The following PPHLN1 variants were observed in gnomAD, a reference collection of about 807,000 sequenced individuals.
PPHLN1 encodes the protein periphilin-1.
Under a neutral mutation model 51.3 loss-of-function variants are expected in PPHLN1, and 29 were observed. The ratio of observed to expected loss-of-function variants is 0.57; its 90% CI spans 0.42 to 0.77. The LOEUF (loss-of-function observed/expected upper bound fraction) is 0.77. PPHLN1 is among the 30% of genes least tolerant of loss of function. The probability of loss-of-function intolerance (pLI) is 0.00; values close to 1 mark genes in which losing one functional copy is unlikely to be tolerated. For missense variants in PPHLN1, 436 were observed against 438.4 expected, an observed-to-expected ratio of 0.99 and a Z score of 0.05; for synonymous variants, 147 against 147.8, an observed-to-expected ratio of 0.99 and a Z score of 0.04.
chr12:42,435,143 A>G (rs926729124), intron 9 of PPHLN1, among the ~76,000 whole-genome samples: 1 of 152,234 alleles, frequency 6.6e-6, no homozygotes. Context: ...AATAAGCTGA[A>G]AGGGATAAAA....
rs934252006 is a variant in PPHLN1, at chr12:42,385,058, C to T, written c.568+62C>T. ...AGGGGTGGGAGACTTGAACTGATAG[C>T]GGTTATGGAAATGGGGAAAGTGTAT... On this transcript the variant is annotated intron_variant, in intron 6 of 9. Coordinates refer to ENST00000358314, the MANE Select transcript of PPHLN1 (RefSeq NM_201439.2). 8.8e-6 allele frequency: 13 copies of T among 1,482,000 alleles called. No individual in the cohort carries two copies. In the East Asian group the frequency reaches 1.4e-4, roughly 15 times the overall value. 91.8% of individuals were successfully genotyped at this position (1,482,000 alleles called of 1,614,324 possible). A position where few individuals can be genotyped will look rare whatever the true frequency, so the allele number is the denominator to read the frequency against.
intron 8 of PPHLN1, among the ~76,000 whole-genome samples, chr12:42,397,912 C>T (rs916533293): frequency 9.2e-5 from 14 of 151,622 alleles, no homozygotes; most frequent in South Asian, 2.1e-4. Flanking sequence ...TTGGTAGAGA[C>T]GGGTTTTCAC....
Position 42,374,844 on chromosome 12 carries a change from GTT to G in PPHLN1, c.300-7_300-6del, listed in dbSNP as rs199720292. ...ATAGAGTATAATTAACTTATTTTAT[GTT>G]TTTTTTTTTTTCAAAGGGACATGAG... is the stretch of plus-strand genomic sequence containing the variant. On this transcript the variant is annotated splice_polypyrimidine_tract_variant and intron_variant, in intron 4 of 9. Transcript: ENST00000358314. 6.2e-3 allele frequency: 8,193 copies of G among 1,318,396 alleles called. 107 individuals are homozygous for G. The East Asian group carries it at 0.085, about 14-fold the overall frequency. The allele number at this position is 1,318,396 out of a possible 1,614,324, so 81.7% of individuals were successfully genotyped here. A position where few individuals can be genotyped will look rare whatever the true frequency, so the allele number is the denominator to read the frequency against.
chr12:42,337,945 G>A (rs538156108), intron 2 of PPHLN1, among the ~76,000 whole-genome samples: 1 of 151,920 alleles, frequency 6.6e-6, no homozygotes, highest in South Asian at 2.1e-4. Flanking sequence ...CACCACGCCT[G>A]GCTAATTTTT....
downstream of PPHLN1, chr12:42,445,001 C>T (rs1418414187): frequency 5.7e-6 from 4 of 699,310 alleles, no homozygotes; most frequent in Non-Finnish European, 1.0e-5. Flanking sequence ...CTGTTCAGCC[C>T]ATCAATATTG....
intron 2 of PPHLN1, among the ~76,000 whole-genome samples, chr12:42,345,615 A>C (rs1339263025): frequency 1.3e-5 from 2 of 150,498 alleles, no homozygotes; most frequent in African/African-American, 2.4e-5. Flanking sequence ...TAATATGTAG[A>C]TATATATTAA....
intron 9 of PPHLN1, chr12:42,432,944 G>A (rs2082166342): frequency 2.2e-6 from 3 of 1,384,534 alleles, no homozygotes; most frequent in South Asian, 2.3e-5. Flanking sequence ...TGTTGTTTCT[G>A]GATGGTAAAA....
intron 2 of PPHLN1, among the ~76,000 whole-genome samples, chr12:42,345,499 A>G (rs1462857227): frequency 2.6e-5 from 4 of 151,884 alleles, no homozygotes; most frequent in African/African-American, 9.7e-5. Context: ...CATTAATACT[A>G]ACTTTGGAGT....
At chr12:42,342,685 T>G (rs1326797651) in intron 2 of PPHLN1, among the ~76,000 whole-genome samples, 1 of 152,232 alleles carries the variant, frequency 6.6e-6, no homozygotes, top group African/African-American at 2.4e-5. Context: ...TCCTATCTGC[T>G]TATCCCTGCT....
At chr12:42,420,661 T>TCCCCC (rs1565996290) in intron 9 of PPHLN1, among the ~76,000 whole-genome samples, 1 of 61,142 alleles carries the variant, frequency 1.6e-5, no homozygotes, top group African/African-American at 7.2e-5. Flanking sequence ...CTTCCCTCCT[T>TCCCCC]CCCTCCCGCC....
At chr12:42,344,501 C>T (rs190911552) in intron 2 of PPHLN1, among the ~76,000 whole-genome samples, 2 of 152,116 alleles carry the variant, frequency 1.3e-5, no homozygotes, top group Middle Eastern at 3.4e-3. Context: ...ATAAGTATTT[C>T]AATATGTGTT....
chr12:42,426,526 T>C (rs1336365856), intron 9 of PPHLN1, among the ~76,000 whole-genome samples: 1 of 152,186 alleles, frequency 6.6e-6, no homozygotes, highest in Admixed American at 6.6e-5. Context: ...AAAAGGCCAA[T>C]AACTCCAGAG....
intron 9 of PPHLN1, among the ~76,000 whole-genome samples, chr12:42,440,412 T>G (rs2082845981): frequency 6.6e-6 from 1 of 152,338 alleles, no homozygotes; most frequent in Middle Eastern, 3.4e-3. Flanking sequence ...TTGTTTAATC[T>G]TCACATACTC....
At chr12:42,387,230 A>C in intron 6 of PPHLN1, 1 of 365,886 alleles carries the variant, frequency 2.7e-6, no homozygotes, top group Non-Finnish European at 4.8e-6. Context: ...GCTGTGGCCT[A>C]GACTGGCTTC....
intron 7 of PPHLN1, among the ~76,000 whole-genome samples, chr12:42,389,580 C>T (rs557295912): frequency 2.0e-5 from 3 of 152,172 alleles, no homozygotes; most frequent in Admixed American, 6.5e-5. Context: ...AAAACAAAAC[C>T]GCTTACATTT....
intron 4 of PPHLN1, among the ~76,000 whole-genome samples, chr12:42,370,390 ATTCT>A (rs1204951735): frequency 6.6e-6 from 1 of 152,186 alleles, no homozygotes; most frequent in Non-Finnish European, 1.5e-5. Context: ...CTCCATTCAC[ATTCT>A]TTCTTTACTT....
chr12:42,385,283 T>C (rs1360556829), intron 6 of PPHLN1, among the ~76,000 whole-genome samples: 2 of 152,236 alleles, frequency 1.3e-5, no homozygotes, highest in African/African-American at 4.8e-5. Context: ...GATTTCTGTT[T>C]ACTCTTTTTG....
intron 4 of PPHLN1, among the ~76,000 whole-genome samples, chr12:42,366,304 G>A (rs573666698): frequency 7.0e-6 from 1 of 143,006 alleles, no homozygotes; most frequent in South Asian, 2.2e-4. Context: ...CTCGGCTCAC[G>A]GCAGCTTTCA....
rs777838122 is a variant in PPHLN1, at chr12:42,374,872, A to G, written c.309A>G (p.Arg103=). The G allele has an allele frequency of 6.2e-7, 1 of 1,606,510 alleles. No homozygotes were observed. The highest frequency in any genetic ancestry group is 2.2e-5 in the East Asian group (1 of 44,820). The change falls in exon 5 of 10, where the codon AGA becomes AGG. Residue 103 remains arginine (R), a synonymous_variant. Coordinates refer to ENST00000358314, the MANE Select transcript of PPHLN1 (RefSeq NM_201439.2). The stretch of plus-strand genomic sequence containing the variant: ...TTTTTTTTTTTCAAAGGGACATGAG[A>G]GATGGCTTTAGAAGAAAAAGTTTCT... ...ASRQPEYRDM[R]DGFRRKSFYS...
Sources: gnomAD v4.1 joint callset for allele counts (sites outside exome capture counted in the v4.1 genomes callset) on GRCh38, gnomAD v4.1.1 for gene constraint, MANE v1.5 for transcripts, NCBI Gene and HGNC (gene_info 2026-07-23, HGNC 2026-07-21) for gene names.